Variants in DSG1 observed in about 807,000 individuals in gnomAD.
DSG1 encodes the protein desmoglein-1.
Under a neutral mutation model 97.5 loss-of-function variants are expected in DSG1, and 39 were observed. The observed-to-expected ratio is 0.40, with a 90% CI of 0.31 to 0.52. The LOEUF (loss-of-function observed/expected upper bound fraction) is 0.52, where lower values mean the gene tolerates loss of function less well. Ranked by LOEUF, DSG1 falls within the 20% of genes least tolerant of loss-of-function variation. The pLI, the probability that DSG1 is intolerant of heterozygous loss-of-function variation, is 0.53. For missense variants in DSG1, 1,311 were observed against 1,295.4 expected, an observed-to-expected ratio of 1.01 and a Z score of -0.18; for synonymous variants, 475 against 443.4, an observed-to-expected ratio of 1.07 and a Z score of -0.90.
intron 10 of DSG1, among the ~76,000 whole-genome samples, chr18:31,338,720 T>A (rs898093636): frequency 1.3e-4 from 20 of 152,198 alleles, no homozygotes; most frequent in African/African-American, 4.8e-4. Flanking sequence ...CATCTATAGC[T>A]GTTGTCTCTT....
chr18:31,340,043 C>T lies in DSG1; in HGVS notation c.1687+18C>T, dbSNP rs1218202942. Reference sequence around the variant, plus strand: ...CTTAGGATGTAAGTACTTTAGCAATCCTATGTATATGTGTCCCCCAAAAAA... The same window carrying T: ...CTTAGGATGTAAGTACTTTAGCAATTCTATGTATATGTGTCCCCCAAAAAA... On this transcript the variant is annotated intron_variant, in intron 11 of 14. Transcript: ENST00000257192. 1 of 1,613,396 alleles carries T rather than the reference C, an allele frequency of 6.2e-7. No homozygotes were observed. Among genetic ancestry groups the T allele is most frequent in the Non-Finnish European group, 8.5e-7 (1 of 1,179,580 alleles).
Position 31,356,659 on chromosome 18 carries a change from A to G in DSG1, c.*1313A>G, listed in dbSNP as rs1344264253. On this transcript the variant is annotated 3_prime_UTR_variant, in exon 15 of 15. Transcript: ENST00000257192. Reference sequence around the variant, plus strand: ...AAGCATGAAATAATAATAGAAACCTATTCTGCTAGTTTATCTCACCCTCTA... The same window carrying G: ...AAGCATGAAATAATAATAGAAACCTGTTCTGCTAGTTTATCTCACCCTCTA... The G allele has an allele frequency of 6.6e-6, 1 of 152,160 alleles. No homozygotes were observed. The highest frequency in any genetic ancestry group is 1.5e-5 in the Non-Finnish European group (1 of 68,012). The allele number at this position is 152,160 out of a possible 1,614,324, so 9.4% of individuals were successfully genotyped here.
Position 31,357,977 on chromosome 18 carries a change from G to A in DSG1, c.*2631G>A, listed in dbSNP as rs1003434931. On this transcript the variant is annotated 3_prime_UTR_variant, in exon 15 of 15. Transcript: ENST00000257192. ...TCATTTTTCAATGAAGAAGTTTTGG[G>A]CAGAACTTCATTCTTCTTCTTAGAT... Among the ~76,000 whole-genome samples the A allele has an allele frequency of 4.6e-5, 7 of 151,864 alleles. No homozygotes were observed. Among genetic ancestry groups the A allele is most frequent in the Non-Finnish European group, 1.0e-4 (7 of 67,872 alleles).
chr18:31,332,181 A>C (rs1397072374), intron 6 of DSG1, among the ~76,000 whole-genome samples: 1 of 152,084 alleles, frequency 6.6e-6, no homozygotes, highest in Non-Finnish European at 1.5e-5. Context: ...TTTCTCTAAA[A>C]AGTGTGTTCT....
At position 31,326,866 on chromosome 18, in the gene DSG1, C is replaced by T. The variant is rs1176631142; in HGVS notation, c.85-8C>T. 1.9e-6 allele frequency: 3 copies of T among 1,613,040 alleles called. No individual in the cohort carries two copies. The highest frequency in any genetic ancestry group is 1.3e-5 in the African/African-American group (1 of 74,920). On this transcript the variant is annotated splice_region_variant and splice_polypyrimidine_tract_variant and intron_variant, in intron 2 of 14. Transcript: ENST00000257192. ...ATATATACCATTTCTTTATTGCTGT[C>T]ATTTAAGGTAAGAGATTATAACACT...
rs200061095 is a variant in DSG1, at chr18:31,355,157, G to C, written c.2961G>C (p.Gly987=). 46 of 1,609,214 alleles carry C rather than the reference G, an allele frequency of 2.9e-5. No homozygotes were observed. In the East Asian group the frequency reaches 1.0e-3, roughly 35 times the overall value. Residue 987 remains glycine, a synonymous_variant, in exon 15 of 15, where the codon GGG becomes GGC. Coordinates refer to ENST00000257192, the MANE Select transcript of DSG1 (RefSeq NM_001942.4). The part of the protein sequence containing the change: ...SGLVGTSMGA[G]SGALSGAGIS... ...TGGTTGGCACCAGCATGGGTGCTGG[G>C]AGCGGTGCCCTGAGTGGAGCTGGCA... is the stretch of plus-strand genomic sequence containing the variant.
rs1358156226 is a variant in DSG1, at chr18:31,354,444, A to C, written c.2248A>C (p.Thr750Pro). The C allele has an allele frequency of 1.9e-6, 3 of 1,614,102 alleles. No individual in the cohort carries two copies. The Admixed American group carries it at 5.0e-5, about 27-fold the overall frequency. The change falls in exon 15 of 15, where the codon ACC (threonine) becomes CCC (proline). Residue 750 changes from threonine (T) to proline (P), a missense_variant. Physicochemically the swap from Thr to Pro is conservative, Grantham distance 38. This residue lies in a region of DSG1 where 1,038 missense variants were observed against 964.6 expected (regional missense o/e 1.08). Coordinates refer to ENST00000257192, the MANE Select transcript of DSG1 (RefSeq NM_001942.4). ...AGACCTGGATGACAGCTTCTTGGAT[A>C]CCCTGGGACCTAAATTTAAGAAGTT... is the stretch of plus-strand genomic sequence containing the variant. ...GEDLDDSFLD[T>P]LGPKFKKLAD...
At chr18:31,329,799 C>A in intron 4 of DSG1, 93 bp from the exon 5 acceptor site, 14 of 1,467,150 alleles carry the variant, frequency 9.5e-6, no homozygotes, top group Non-Finnish European at 1.2e-5. Flanking sequence ...CATAATAATT[C>A]TTTTAATTCG....
rs2071958963 is a variant in DSG1 at position 31,356,414 on chromosome 18, A to C, written c.*1068A>C. 1 of 152,134 alleles carries C rather than the reference A, an allele frequency of 6.6e-6. No homozygotes were observed. Among genetic ancestry groups the C allele is most frequent in the African/African-American group, 2.4e-5 (1 of 41,434 alleles). The allele number at this position is 152,134 out of a possible 1,614,324, so 9.4% of individuals were successfully genotyped here. Reference sequence around the variant, plus strand: ...AGAAGCAGCAGCTTGTAGTATGCTTAAGCTTTGGGGAATTTTTTTTTAAGG... The same window carrying C: ...AGAAGCAGCAGCTTGTAGTATGCTTCAGCTTTGGGGAATTTTTTTTTAAGG... On this transcript the variant is annotated 3_prime_UTR_variant, in exon 15 of 15. Transcript: ENST00000257192.
Position 31,355,185 on chromosome 18 carries a change from AGTG to A in DSG1, c.2997_2999del (p.Gly1000del). On this transcript the variant is annotated inframe_deletion, in exon 15 of 15. Transcript: ENST00000257192. ...CGGTGCCCTGAGTGGAGCTGGCATA[AGTG>A]GTGGTGGCATTGGCCTGAGCAGCTT... 1 of 1,603,490 alleles carries A rather than the reference AGTG, an allele frequency of 6.2e-7. No homozygotes were observed. The highest frequency in any genetic ancestry group is 8.5e-7 in the Non-Finnish European group (1 of 1,173,550).
Position 31,326,980 on chromosome 18 carries a change from A to C in DSG1, c.191A>C (p.Asn64Thr). The change falls in exon 3 of 15, where the codon AAC (asparagine) becomes ACC (threonine). Residue 64 changes from asparagine (N) to threonine (T), a missense_variant. By Grantham distance (65) the Asn-to-Thr change is moderately conservative. Transcript: ENST00000257192. ...GCAGCCTGTCGTGAAGGTGAAGACA[A>C]CTCAAAGAGGAACCCAATCGCCAAA... ...FAAACREGEDNSKRNPIAKIH... is the reference protein window; with the variant it reads ...FAAACREGEDTSKRNPIAKIH... 1 of 1,613,978 alleles carries C rather than the reference A, an allele frequency of 6.2e-7. No individual in the cohort carries two copies. The highest frequency in any genetic ancestry group is 8.5e-7 in the Non-Finnish European group (1 of 1,179,866).
Position 31,355,990 on chromosome 18 carries a change from G to A in DSG1, c.*644G>A, listed in dbSNP as rs1375280951. The A allele has an allele frequency of 1.3e-5, 2 of 153,414 alleles. No individual in the cohort carries two copies. Among genetic ancestry groups the A allele is most frequent in the East Asian group, 3.9e-4 (2 of 5,180 alleles). The allele number at this position is 153,414 out of a possible 1,614,324, so 9.5% of individuals were successfully genotyped here. A position where few individuals can be genotyped will look rare whatever the true frequency, so the allele number is the denominator to read the frequency against. Reference sequence around the variant, plus strand: ...GATGAGGTTTCTTCAGGGTAAACTAGCAATGCCTGAGCCTGAACCTTAATG... The same window carrying A: ...GATGAGGTTTCTTCAGGGTAAACTAACAATGCCTGAGCCTGAACCTTAATG... On this transcript the variant is annotated 3_prime_UTR_variant, in exon 15 of 15. Coordinates refer to ENST00000257192, the MANE Select transcript of DSG1 (RefSeq NM_001942.4).
At chr18:31,319,555 T>C (rs1011807204) in intron 1 of DSG1, among the ~76,000 whole-genome samples, 2 of 152,178 alleles carry the variant, frequency 1.3e-5, no homozygotes, top group African/African-American at 4.8e-5. Flanking sequence ...GTTGATTTCA[T>C]TACTTAGGAT....
intron 14 of DSG1, among the ~76,000 whole-genome samples, chr18:31,348,522 T>C (rs1407747193): frequency 6.6e-6 from 1 of 150,758 alleles, no homozygotes; most frequent in Non-Finnish European, 1.5e-5. Context: ...TTTCTAGTTC[T>C]AGATCCCTGA....
intron 1 of DSG1, among the ~76,000 whole-genome samples, chr18:31,318,741 T>A (rs2071635751): frequency 6.7e-6 from 1 of 149,186 alleles, no homozygotes; most frequent in Admixed American, 6.7e-5. Context: ...TTATTTTTTT[T>A]GTGTGTTTGG....
At position 31,358,638 on chromosome 18, in the gene DSG1, G is replaced by A. The variant is rs2071978164; in HGVS notation, c.*3292G>A. 6.6e-6 allele frequency among the ~76,000 whole-genome samples: 1 copy of A among 152,042 alleles called. No individual in the cohort carries two copies. The highest frequency in any genetic ancestry group is 1.5e-5 in the Non-Finnish European group (1 of 67,944). On this transcript the variant is annotated 3_prime_UTR_variant, in exon 15 of 15. Transcript: ENST00000257192. ...ATGACACCCTTTAACTTTTGCTGGA[G>A]TTGAAAGGCATTATAATCTTTAGCA... is the stretch of plus-strand genomic sequence containing the variant.
intron 14 of DSG1, among the ~76,000 whole-genome samples, chr18:31,353,257 G>C (rs1422425429): frequency 6.6e-6 from 1 of 150,550 alleles, no homozygotes; most frequent in South Asian, 2.1e-4. Flanking sequence ...CCCCTGCTGG[G>C]GGGTGCCTCC....
intron 6 of DSG1, among the ~76,000 whole-genome samples, chr18:31,332,754 T>C (rs2071728813): frequency 6.6e-6 from 1 of 152,194 alleles, no homozygotes; most frequent in African/African-American, 2.4e-5. Context: ...TCTTTAATTA[T>C]CTAAATGTTA....
chr18:31,340,558 A>G (rs1007909973), intron 11 of DSG1, among the ~76,000 whole-genome samples: 1 of 151,888 alleles, frequency 6.6e-6, no homozygotes, highest in Non-Finnish European at 1.5e-5. Context: ...AGTCTCAAAA[A>G]AAAAAAAAAG....
Sources: gnomAD v4.1 joint callset for allele counts (sites outside exome capture counted in the v4.1 genomes callset) on GRCh38, gnomAD v4.1.1 for gene constraint, gnomAD v4.1.1 regional missense constraint, MANE v1.5 for transcripts, NCBI Gene and HGNC (gene_info 2026-07-23, HGNC 2026-07-21) for gene names.